LINGO2: variants seen among roughly 807,000 people sequenced by gnomAD.
LINGO2 encodes leucine rich repeat and Ig domain containing 2, also known as leucine-rich repeat and immunoglobulin-like domain-containing nogo receptor-interacting protein 2.
A neutral mutation model predicts 30.6 loss-of-function variants in LINGO2; 14 were observed. That is an observed-to-expected ratio of 0.46 (90% confidence interval 0.30 to 0.72). The LOEUF (loss-of-function observed/expected upper bound fraction) is 0.72. LINGO2 is among the 30% of genes least tolerant of loss of function. The pLI, the probability that LINGO2 is intolerant of heterozygous loss-of-function variation, is 0.07. For missense variants in LINGO2, 729 were observed against 751.7 expected (o/e 0.97, Z 0.35); for synonymous variants, 317 against 288.5 (o/e 1.10, Z -1.00).
At chr9:28,151,184 C>A (rs1328172184) in intron 4 of LINGO2, among the ~76,000 whole-genome samples, 1 of 151,994 alleles carries the variant, frequency 6.6e-6, no homozygotes, top group Non-Finnish European at 1.5e-5. Context: ...CATATTATGA[C>A]CAAGAGTGGT....
At chr9:28,465,968 T>C (rs376269518) in intron 2 of LINGO2, among the ~76,000 whole-genome samples, 13 of 152,174 alleles carry the variant, frequency 8.5e-5, no homozygotes, top group African/African-American at 2.9e-4. Flanking sequence ...TAACAAATGC[T>C]GATGAGGATA....
At chr9:28,529,966 A>G (rs1440711279) in intron 1 of LINGO2, among the ~76,000 whole-genome samples, 1 of 152,072 alleles carries the variant, frequency 6.6e-6, no homozygotes, top group Non-Finnish European at 1.5e-5. Context: ...CCTCTCTAAC[A>G]TAAGGGGATA....
At chr9:28,327,239 G>A (rs1392235330) in intron 3 of LINGO2, among the ~76,000 whole-genome samples, 2 of 152,100 alleles carry the variant, frequency 1.3e-5, no homozygotes, top group East Asian at 3.9e-4. Flanking sequence ...AATTACTATT[G>A]TTTATAGATT....
the LINGO2 span, among the ~76,000 whole-genome samples, chr9:29,049,757 A>G: frequency 1.3e-5 from 2 of 152,150 alleles, no homozygotes; most frequent in African/African-American, 4.8e-5. Context: ...AAAAAATTGT[A>G]CTCATTAACA....
chr9:28,964,038 A>G, the LINGO2 span, among the ~76,000 whole-genome samples: 1 of 151,930 alleles, frequency 6.6e-6, no homozygotes, highest in African/African-American at 2.4e-5. Context: ...TCAAGTGAAG[A>G]TGCAAATGAT....
chr9:28,097,394 A>C (rs991939963), intron 4 of LINGO2, among the ~76,000 whole-genome samples: 2 of 149,052 alleles, frequency 1.3e-5, no homozygotes, highest in Non-Finnish European at 3.0e-5. Flanking sequence ...ACGTATGTTT[A>C]TTGCGGCACT....
the LINGO2 span, among the ~76,000 whole-genome samples, chr9:28,999,352 AAG>A: frequency 6.6e-6 from 1 of 152,186 alleles, no homozygotes; most frequent in African/African-American, 2.4e-5. Context: ...CAAAACTGTG[AAG>A]AGAGTCAAAA....
At chr9:28,123,818 C>T (rs1346925209) in intron 4 of LINGO2, among the ~76,000 whole-genome samples, 1 of 151,932 alleles carries the variant, frequency 6.6e-6, no homozygotes, top group Non-Finnish European at 1.5e-5. Flanking sequence ...CACCCGCCAC[C>T]ACTCCTGGCT....
At chr9:28,887,505 T>TA in the LINGO2 span, among the ~76,000 whole-genome samples, 9 of 151,172 alleles carry the variant, frequency 6.0e-5, no homozygotes, top group Admixed American at 2.6e-4. Context: ...TTGCTTTTAT[T>TA]AAAAAAAAAG....
the LINGO2 span, among the ~76,000 whole-genome samples, chr9:29,095,362 T>A: frequency 1.4e-5 from 2 of 137,974 alleles, 1 homozygote; most frequent in East Asian, 5.0e-4. Flanking sequence ...ATATAACAAG[T>A]CAAAATTTAA....
intron 4 of LINGO2, among the ~76,000 whole-genome samples, chr9:28,104,262 G>T (rs10968343): frequency 0.32 from 17,347 of 53,954 alleles, 2,235 homozygotes; most frequent in East Asian, 0.48. Context: ...CAAGTTTTTT[G>T]TTTGTTTTTT....
the LINGO2 span, among the ~76,000 whole-genome samples, chr9:29,121,707 G>A: frequency 9.2e-5 from 14 of 152,050 alleles, no homozygotes; most frequent in African/African-American, 2.4e-4. Flanking sequence ...AAACCCACAT[G>A]AGCCACACTG....
intron 1 of LINGO2, among the ~76,000 whole-genome samples, chr9:28,479,881 GTGTA>G (rs1455658181): frequency 4.9e-4 from 66 of 135,118 alleles, no homozygotes; most frequent in African/African-American, 1.4e-3. Context: ...GTGTGTGTGT[GTGTA>G]TGTGTGTATG....
intron 1 of LINGO2, among the ~76,000 whole-genome samples, chr9:28,635,922 C>T (rs1827244711): frequency 6.6e-6 from 1 of 152,052 alleles, no homozygotes; most frequent in African/African-American, 2.4e-5. Context: ...GTGTAGCACC[C>T]AGTAACTCGT....
the LINGO2 span, among the ~76,000 whole-genome samples, chr9:29,029,157 T>C: frequency 1.3e-5 from 2 of 152,252 alleles, no homozygotes; most frequent in African/African-American, 4.8e-5. Flanking sequence ...TACAGTTTTA[T>C]CCATCTTTGA....
the LINGO2 span, among the ~76,000 whole-genome samples, chr9:29,078,304 T>C: frequency 6.6e-6 from 1 of 151,918 alleles, no homozygotes; most frequent in African/African-American, 2.4e-5. Flanking sequence ...AATGAAAATC[T>C]GGAGAACTGA....
intron 4 of LINGO2, among the ~76,000 whole-genome samples, chr9:28,137,349 T>A (rs547313618): frequency 6.6e-6 from 1 of 152,218 alleles, no homozygotes; most frequent in East Asian, 1.9e-4. Flanking sequence ...AACTTCTTGT[T>A]AAGACTTAAT....
chr9:28,862,286 T>G, the LINGO2 span, among the ~76,000 whole-genome samples: 1 of 152,092 alleles, frequency 6.6e-6, no homozygotes, highest in Non-Finnish European at 1.5e-5. Context: ...ATGGTAATAA[T>G]AAATACTGAA....
Position 28,314,147 on chromosome 9 carries a change from G to A in LINGO2, c.-245-18781C>T, listed in dbSNP as rs192186269. 6.0e-3 allele frequency among the ~76,000 whole-genome samples: 911 copies of A among 152,180 alleles called. 8 individuals are homozygous for A. Among genetic ancestry groups the A allele is most frequent in the Admixed American group, 0.017 (262 of 15,286 alleles). Reference sequence around the variant, plus strand: ...GACGGGGTTTCACCATGTTAGCCAGGATGGTCTCGATCTCCTGACCTCGTG... The same window carrying A: ...GACGGGGTTTCACCATGTTAGCCAGAATGGTCTCGATCTCCTGACCTCGTG... On this transcript the variant is annotated intron_variant, in intron 3 of 5. Transcript: ENST00000379992.
Sources: allele counts gnomAD v4.1 joint callset (sites outside exome capture counted in the v4.1 genomes callset), GRCh38; gene constraint gnomAD v4.1.1; transcripts MANE v1.5; gene names NCBI Gene and HGNC (gene_info 2026-07-23, HGNC 2026-07-21).